Variants in MRM1 observed in about 807,000 individuals in gnomAD.
MRM1 encodes the protein rRNA methyltransferase 1, mitochondrial.
In MRM1, 24 loss-of-function variants were observed where a neutral mutation model predicts 25.0. The ratio of observed to expected loss-of-function variants is 0.96; its 90% CI spans 0.69 to 1.35. The LOEUF (loss-of-function observed/expected upper bound fraction) is 1.35. MRM1 is among the 40% of genes most tolerant of loss of function. MRM1 has a pLI of 0.00. For synonymous variants in MRM1, 188 were observed against 199.2 expected, an observed-to-expected ratio of 0.94 and a Z score of 0.47; for missense variants, 431 against 464.1, an observed-to-expected ratio of 0.93 and a Z score of 0.65.
the MRM1 span, among the ~76,000 whole-genome samples, chr17:36,622,352 A>G: frequency 1.2e-3 from 175 of 152,042 alleles, 2 homozygotes; most frequent in East Asian, 0.017. Context: ...TGTGTGGATC[A>G]CCTGAGGTCA....
chr17:36,611,259 T>G (rs751110880), downstream of MRM1, among the ~76,000 whole-genome samples: 1 of 152,170 alleles, frequency 6.6e-6, no homozygotes, highest in Non-Finnish European at 1.5e-5. Context: ...TAGGTGAGGG[T>G]GAGCTTTCAT....
the MRM1 span, among the ~76,000 whole-genome samples, chr17:36,618,162 A>G: frequency 1.2e-3 from 184 of 151,858 alleles, no homozygotes; most frequent in Middle Eastern, 6.8e-3. Context: ...GTGAGTCCTT[A>G]AGGGGACCTG....
the MRM1 span, among the ~76,000 whole-genome samples, chr17:36,629,351 C>T: frequency 6.6e-6 from 1 of 152,180 alleles, no homozygotes; most frequent in East Asian, 1.9e-4. Context: ...CTCTGTGAGT[C>T]TGAGGGCGTC....
intron 2 of MRM1, among the ~76,000 whole-genome samples, chr17:36,604,216 T>C (rs1384899904): frequency 6.6e-6 from 1 of 152,212 alleles, no homozygotes; most frequent in African/African-American, 2.4e-5. Context: ...ACGCTCTTGA[T>C]CTCACACCAG....
the MRM1 span, among the ~76,000 whole-genome samples, chr17:36,616,649 T>C: frequency 3.3e-5 from 5 of 152,252 alleles, no homozygotes; most frequent in Admixed American, 3.3e-4. Flanking sequence ...GATGTGGTGA[T>C]GATGATGGTA....
At chr17:36,625,118 A>G in the MRM1 span, among the ~76,000 whole-genome samples, 1 of 152,284 alleles carries the variant, frequency 6.6e-6, no homozygotes, top group South Asian at 2.1e-4. Flanking sequence ...GTGAGTAACA[A>G]TGTGCTGGAG....
At chr17:36,612,243 G>C (rs959305477), downstream of MRM1, among the ~76,000 whole-genome samples, 3 of 152,198 alleles carry the variant, frequency 2.0e-5, no homozygotes, top group Admixed American at 1.3e-4. Context: ...GTCAGGTACA[G>C]GGGGCTTCTC....
At chr17:36,610,078 A>C (rs1245114789), downstream of MRM1, among the ~76,000 whole-genome samples, 2 of 151,168 alleles carry the variant, frequency 1.3e-5, no homozygotes. Flanking sequence ...GGCGTGCACC[A>C]CGCGCAGCTA....
At chr17:36,609,542 C>T (rs2074961614), downstream of MRM1, among the ~76,000 whole-genome samples, 1 of 152,224 alleles carries the variant, frequency 6.6e-6, no homozygotes, top group Admixed American at 6.5e-5. Flanking sequence ...CCTATACGCA[C>T]TAGATGCCTG....
Position 36,608,913 on chromosome 17 carries a change from C to T in MRM1, c.*498C>T, listed in dbSNP as rs1061121. 0.42 allele frequency: 64,889 copies of T among 155,276 alleles called. 14,334 individuals are homozygous for T. The highest frequency in any genetic ancestry group is 0.55 in the African/African-American group (23,071 of 41,656). 9.6% of individuals were successfully genotyped at this position (155,276 alleles called of 1,614,324 possible). A position where few individuals can be genotyped will look rare whatever the true frequency, so the allele number is the denominator to read the frequency against. On this transcript the variant is annotated 3_prime_UTR_variant, in exon 5 of 5. Transcript: ENST00000614766. ...CTCATCTTTCTGTGCCGCGGGACTC[C>T]GCACCTACCTCACAGGGTTGTTGTG...
the MRM1 span, among the ~76,000 whole-genome samples, chr17:36,623,926 G>T: frequency 2.0e-5 from 3 of 152,218 alleles, no homozygotes; most frequent in African/African-American, 7.2e-5. Flanking sequence ...ACCTGCAATA[G>T]ATCCCATGCA....
chr17:36,615,275 G>A, the MRM1 span, among the ~76,000 whole-genome samples: 1 of 152,172 alleles, frequency 6.6e-6, no homozygotes, highest in African/African-American at 2.4e-5. Flanking sequence ...CTCCCCCTTC[G>A]GGCTCCAGCT....
the MRM1 span, chr17:36,634,191 A>G: frequency 6.6e-6 from 1 of 152,154 alleles, no homozygotes; most frequent in Non-Finnish European, 1.5e-5. Context: ...TTTTTATTAC[A>G]TGGACTTACT....
the MRM1 span, among the ~76,000 whole-genome samples, chr17:36,618,899 G>C: frequency 6.6e-6 from 1 of 152,226 alleles, no homozygotes; most frequent in East Asian, 1.9e-4. Flanking sequence ...ACCCAAGTCT[G>C]ACTCCAGAAT....
chr17:36,630,668 G>A, the MRM1 span, among the ~76,000 whole-genome samples: 5 of 152,126 alleles, frequency 3.3e-5, no homozygotes, highest in South Asian at 2.1e-4. Context: ...TTGACTTCCC[G>A]GTCCCATTGC....
rs1217090052 is a variant in MRM1, at chr17:36,608,415, A to G, written c.1062A>G (p.Ter354TrpextTer60). The G allele has an allele frequency of 1.9e-6, 3 of 1,556,012 alleles. No homozygotes were observed. Among genetic ancestry groups the G allele is most frequent in the African/African-American group, 2.8e-5 (2 of 72,698 alleles). Residue 354 changes from the stop codon to tryptophan (W), a stop_lost, in exon 5 of 5, where the codon TGA (stop) becomes TGG (tryptophan). Coordinates refer to ENST00000614766, the MANE Select transcript of MRM1 (RefSeq NM_024864.5). The stretch of plus-strand genomic sequence containing the variant: ...AGAAAGAGAGGCAAAATGAGGGCTG[A>G]CGTGGACTGTCCACAGTGTTCATGT... ...GPEKERQNEG[*>W]
At chr17:36,622,704 G>A in the MRM1 span, among the ~76,000 whole-genome samples, 2 of 152,190 alleles carry the variant, frequency 1.3e-5, no homozygotes, top group African/African-American at 4.8e-5. Flanking sequence ...ACATATACTT[G>A]CCTGGTGAGT....
At chr17:36,612,808 A>G (rs567137310), downstream of MRM1, among the ~76,000 whole-genome samples, 1 of 152,346 alleles carries the variant, frequency 6.6e-6, no homozygotes, top group South Asian at 2.1e-4. Flanking sequence ...GAGGTCATAC[A>G]TGTAAAACCC....
At chr17:36,605,734 T>C (rs2142837908) in intron 2 of MRM1, among the ~76,000 whole-genome samples, 1 of 152,062 alleles carries the variant, frequency 6.6e-6, no homozygotes, top group East Asian at 1.9e-4. Context: ...ATCCCTTTGG[T>C]TGTTTAGGTC....
Sources: gnomAD v4.1 joint callset for allele counts (sites outside exome capture counted in the v4.1 genomes callset) on GRCh38, gnomAD v4.1.1 for gene constraint, MANE v1.5 for transcripts, NCBI Gene and HGNC (gene_info 2026-07-23, HGNC 2026-07-21) for gene names.